MIDEAS: variants seen among roughly 807,000 people sequenced by gnomAD.
MIDEAS encodes mitotic deacetylase associated SANT domain protein, also known as mitotic deacetylase-associated SANT domain protein.
In MIDEAS, 26 loss-of-function variants were observed where a neutral mutation model predicts 102.7. That is an observed-to-expected ratio of 0.25 (90% confidence interval 0.19 to 0.35). The LOEUF (loss-of-function observed/expected upper bound fraction) is 0.35. MIDEAS is among the 10% of genes least tolerant of loss of function. The pLI is 1.00. For missense variants in MIDEAS, 1,231 were observed against 1,435.6 expected, an observed-to-expected ratio of 0.86 and a Z score of 2.30; for synonymous variants, 585 against 591.0, an observed-to-expected ratio of 0.99 and a Z score of 0.15.
At chr14:73,789,275 T>C (rs566592964), upstream of MIDEAS, among the ~76,000 whole-genome samples, 1 of 152,066 alleles carries the variant, frequency 6.6e-6, no homozygotes, top group Admixed American at 6.5e-5. Context: ...CTCTATGCCT[T>C]TCACTCTCTG....
At chr14:73,769,578 T>C (rs1286011787) in intron 1 of MIDEAS, among the ~76,000 whole-genome samples, 2 of 150,520 alleles carry the variant, frequency 1.3e-5, no homozygotes, top group Non-Finnish European at 3.0e-5. Flanking sequence ...TGGCATTGTG[T>C]TGCAAGAGGG....
chr14:73,722,574 G>C, intron 10 of MIDEAS, 124 bp downstream of exon 10: 1 of 1,188,860 alleles, frequency 8.4e-7, no homozygotes, highest in East Asian at 2.4e-5. Flanking sequence ...CGGCTGTCAG[G>C]GACACTGTCT....
chr14:73,783,090 G>T (rs1015932618), intron 1 of MIDEAS, among the ~76,000 whole-genome samples: 50 of 152,216 alleles, frequency 3.3e-4, no homozygotes, highest in African/African-American at 1.1e-3. Context: ...TTCCAGTTTA[G>T]TTGAAGAATT....
intron 3 of MIDEAS, among the ~76,000 whole-genome samples, chr14:73,730,427 C>T (rs1382055403): frequency 6.6e-6 from 1 of 152,182 alleles, no homozygotes; most frequent in African/African-American, 2.4e-5. Flanking sequence ...GGACCTACCA[C>T]CTTTATTGCC....
At chr14:73,767,102 G>C (rs2053598871) in intron 1 of MIDEAS, among the ~76,000 whole-genome samples, 1 of 152,014 alleles carries the variant, frequency 6.6e-6, no homozygotes, top group African/African-American at 2.4e-5. Context: ...TGATCCGCTG[G>C]CCTCAGCCTC....
intron 1 of MIDEAS, among the ~76,000 whole-genome samples, chr14:73,747,027 G>A (rs1168709871): frequency 6.6e-6 from 1 of 152,140 alleles, no homozygotes; most frequent in Non-Finnish European, 1.5e-5. Flanking sequence ...CTGACTTTGA[G>A]CCTCCCCTAG....
In MIDEAS at chr14:73,784,566, GC is replaced by G. The variant is rs961786635; in HGVS notation, c.-248+2535del. On this transcript the variant is annotated intron_variant, in intron 1 of 11. Transcript: ENST00000394071. ...AAATTCTACACGAACACAAAGCACT[GC>G]AAACTCAAAGCTTTGGGATCAGAAG... Among the ~76,000 whole-genome samples the G allele has an allele frequency of 7.0e-4, 107 of 152,314 alleles. 1 individual carries two copies. Among genetic ancestry groups the G allele is most frequent in the African/African-American group, 2.5e-3 (104 of 41,570 alleles).
In MIDEAS at chr14:73,725,488, C is replaced by A. The variant is rs1206383319; in HGVS notation, c.2486-128G>T. On this transcript the variant is annotated intron_variant, in intron 8 of 12. Transcript: ENST00000423556. This position sits in a 1 kb window ranked among gnomAD's most constrained non-coding sequence, Gnocchi z 4.1. ...TCTGCAGGCATCAGAGCCGGCTCCTCGTCCCACTTCCATGTGCCTCACAGC... is the reference window on the plus strand; with the variant it reads ...TCTGCAGGCATCAGAGCCGGCTCCTAGTCCCACTTCCATGTGCCTCACAGC... 2.9e-6 allele frequency: 2 copies of A among 695,112 alleles called. No homozygotes were observed. 43.1% of individuals were successfully genotyped at this position (695,112 alleles called of 1,614,324 possible).
chr14:73,719,391 T>C lies in MIDEAS; in HGVS notation c.3048A>G (p.Leu1016=), dbSNP rs1485251702. ...TTTTTTTCTTCTTCTCTGAAAAAGG[T>C]AGTGCCCTTCGTGACTTCCCTGTCC... ...REGTGKSRRA[L]PFSEKKKKTE... is the part of the protein sequence containing the mutation. Residue 1016 remains leucine, a synonymous_variant, in exon 12 of 13, where the codon CTA becomes CTG. Coordinates refer to ENST00000423556, the MANE Select transcript of MIDEAS (RefSeq NM_001367710.1). The C allele has an allele frequency of 6.2e-7, 1 of 1,614,062 alleles. No individual in the cohort carries two copies. The highest frequency in any genetic ancestry group is 1.3e-5 in the African/African-American group (1 of 75,030).
intron 1 of MIDEAS, among the ~76,000 whole-genome samples, chr14:73,767,053 T>C (rs1339960555): frequency 6.6e-6 from 1 of 151,276 alleles, no homozygotes; most frequent in Non-Finnish European, 1.5e-5. Flanking sequence ...TGGGGTTTCG[T>C]TATGTTGGCT....
chr14:73,741,243 T>C (rs1364021032), intron 1 of MIDEAS, among the ~76,000 whole-genome samples: 2 of 152,258 alleles, frequency 1.3e-5, no homozygotes, highest in African/African-American at 4.8e-5. Flanking sequence ...CATTTTTGTT[T>C]CGTAACTTGA....
intron 5 of MIDEAS, 72 bp downstream of exon 5, chr14:73,727,386 C>T (rs2053076449): frequency 6.5e-7 from 1 of 1,533,374 alleles, no homozygotes. Context: ...CTGTTGCTCC[C>T]AGGGCCCACC....
At chr14:73,745,673 C>T (rs2053342029) in intron 1 of MIDEAS, among the ~76,000 whole-genome samples, 1 of 152,198 alleles carries the variant, frequency 6.6e-6, no homozygotes, top group Admixed American at 6.5e-5. Flanking sequence ...CAAACCTTCC[C>T]TCTGGACCCC....
At position 73,739,559 on chromosome 14, in the gene MIDEAS, A is replaced by G; in HGVS notation, c.450T>C (p.His150=). 4 of 1,614,094 alleles carry G rather than the reference A, an allele frequency of 2.5e-6. No individual in the cohort carries two copies. The East Asian group carries it at 8.9e-5, about 36-fold the overall frequency. ...SLYSATKGSP[H]PGVGVPTYYN... Reference sequence around the variant, plus strand: ...AGTAAGTCGGGACTCCCACTCCAGGATGCGGGCTCCCCTTGGTTGCACTGT... The same window carrying G: ...AGTAAGTCGGGACTCCCACTCCAGGGTGCGGGCTCCCCTTGGTTGCACTGT... Residue 150 remains histidine, a synonymous_variant, in exon 2 of 13, where the codon CAT becomes CAC. Transcript: ENST00000423556.
intron 1 of MIDEAS, among the ~76,000 whole-genome samples, chr14:73,756,301 C>CGA (rs2053482390): frequency 1.2e-5 from 1 of 85,398 alleles, no homozygotes; most frequent in African/African-American, 4.3e-5. Flanking sequence ...TGTGTGCGCG[C>CGA]GCGCGTGCGC....
intron 1 of MIDEAS, among the ~76,000 whole-genome samples, chr14:73,745,936 G>A (rs984811090): frequency 2.0e-5 from 3 of 152,210 alleles, no homozygotes; most frequent in Non-Finnish European, 2.9e-5. Flanking sequence ...TCTCTGGACT[G>A]AACTTCAGCT....
chr14:73,726,770 G>T (rs542319733), intron 6 of MIDEAS, 60 bp downstream of exon 6: 1 of 1,610,550 alleles, frequency 6.2e-7, no homozygotes, highest in Admixed American at 1.7e-5. Flanking sequence ...GGCTGGGCAG[G>T]GTGAGGCCTG....
Position 73,718,898 on chromosome 14 carries a change from G to A in MIDEAS, c.3245C>T (p.Ala1082Val). The A allele has an allele frequency of 6.6e-7, 1 of 1,520,874 alleles. No individual in the cohort carries two copies. The highest frequency in any genetic ancestry group is 8.8e-7 in the Non-Finnish European group (1 of 1,140,808). The allele number at this position is 1,520,874 out of a possible 1,614,324, so 94.2% of individuals were successfully genotyped here. Residue 1082 changes from alanine to valine, a missense_variant, in exon 13 of 13, where the codon GCC becomes GTC. Transcript: ENST00000423556. The stretch of plus-strand genomic sequence containing the variant: ...CCGCAGGGCCTGCTGGTGGGCGGCG[G>A]CGGCGGCAGCAGCGGCCTCTTTCTC... The part of the protein sequence containing the change: ...LKEKEAAAAA[A>V]AAHQQALREE...
rs558012463 is a variant in MIDEAS, at chr14:73,716,880, A to G, written c.*1963T>C. The G allele has an allele frequency of 2.0e-5, 3 of 152,676 alleles. No individual in the cohort carries two copies. The highest frequency in any genetic ancestry group is 1.3e-4 in the Admixed American group (2 of 15,286). 9.5% of individuals were successfully genotyped at this position (152,676 alleles called of 1,614,324 possible). A position where few individuals can be genotyped will look rare whatever the true frequency, so the allele number is the denominator to read the frequency against. On this transcript the variant is annotated 3_prime_UTR_variant, in exon 13 of 13. Transcript: ENST00000423556. ...GGGGCTAAGCTGCGAAGGCACTCGT[A>G]TTGTACAAGTAATTTCGAAGAGAGC...
Sources: gnomAD v4.1 joint callset for allele counts (sites outside exome capture counted in the v4.1 genomes callset) on GRCh38, gnomAD v4.1.1 for gene constraint, Gnocchi (gnomAD v3.1) non-coding constraint, MANE v1.5 for transcripts, NCBI Gene and HGNC (gene_info 2026-07-23, HGNC 2026-07-21) for gene names.